INTS12: variants seen among roughly 807,000 people sequenced by gnomAD.
The protein encoded by INTS12 is PHD finger protein 22.
A neutral mutation model predicts 41.6 loss-of-function variants in INTS12; 13 were observed. The ratio of observed to expected loss-of-function variants is 0.31; its 90% CI spans 0.20 to 0.50. The LOEUF is 0.50. Among genes scored for constraint, INTS12 ranks in the 20% least tolerant of loss-of-function variants. The pLI, the probability that INTS12 is intolerant of heterozygous loss-of-function variation, is 0.98. For missense variants in INTS12, 432 were observed against 541.6 expected (o/e 0.80, Z 2.01); for synonymous variants, 199 against 191.4 (o/e 1.04, Z -0.33).
intron 6 of INTS12, chr4:105,687,055 C>A (rs1731522349): frequency 1.5e-5 from 8 of 532,038 alleles, no homozygotes; most frequent in Non-Finnish European, 2.6e-5. Flanking sequence ...TAATATTAAG[C>A]TTTAGAAATA....
chr4:105,704,132 C>T (rs932726035), intron 1 of INTS12, among the ~76,000 whole-genome samples: 1 of 151,824 alleles, frequency 6.6e-6, no homozygotes, highest in African/African-American at 2.4e-5. Flanking sequence ...TGCTTTTGTA[C>T]TCTTTTTCTT....
Position 105,699,889 on chromosome 4 carries a change from C to A in INTS12, c.117G>T (p.Leu39Phe). ...EKLKALLDES[L>F]ARGIDSSYRP... is the part of the protein sequence containing the mutation. Reference sequence around the variant, plus strand: ...GGTAACTGGAATCAATGCCCCGAGCCAAAGATTCATCAAGCAGTGCTTTTA... The same window carrying A: ...GGTAACTGGAATCAATGCCCCGAGCAAAAGATTCATCAAGCAGTGCTTTTA... The change falls in exon 3 of 8, where the codon TTG (leucine) becomes TTT (phenylalanine). Residue 39 changes from leucine to phenylalanine, a missense_variant. This residue lies in a region of INTS12 where 168 missense variants were observed against 198.9 expected (regional missense o/e 0.84). Coordinates refer to ENST00000340139, the MANE Select transcript of INTS12 (RefSeq NM_020395.4). The A allele has an allele frequency of 1.3e-6, 2 of 1,549,150 alleles. No homozygotes were observed. The highest frequency in any genetic ancestry group is 1.7e-5 in the Admixed American group (1 of 58,196).
chr4:105,701,699 T>C (rs1732080717), intron 2 of INTS12, among the ~76,000 whole-genome samples: 1 of 152,220 alleles, frequency 6.6e-6, no homozygotes, highest in Admixed American at 6.5e-5. Context: ...TTTTATTTCA[T>C]ATAGGTAAAG....
rs944675826 is a variant in INTS12, at chr4:105,693,428, G to C, written c.368C>G (p.Pro123Arg). The C allele has an allele frequency of 3.1e-6, 5 of 1,613,574 alleles. No homozygotes were observed. Among genetic ancestry groups the C allele is most frequent in the Admixed American group, 3.3e-5 (2 of 59,992 alleles). ...DIPKKPRLEK[P>R]ETQSSPITVQ... Reference sequence around the variant, plus strand: ...AGTAATGGGAGATGACTGTGTTTCTGGTTTCTCCAATCTAGGTTTCTTTGG... The same window carrying C: ...AGTAATGGGAGATGACTGTGTTTCTCGTTTCTCCAATCTAGGTTTCTTTGG... Residue 123 changes from proline (P) to arginine (R), a missense_variant, in exon 5 of 8, where the codon CCA (proline) becomes CGA (arginine). Transcript: ENST00000340139.
intron 3 of INTS12, among the ~76,000 whole-genome samples, chr4:105,696,196 A>G (rs1731860545): frequency 2.0e-5 from 3 of 152,176 alleles, no homozygotes; most frequent in African/African-American, 7.2e-5. Flanking sequence ...GTTTTGACAT[A>G]TGTATACGTC....
At chr4:105,697,274 C>T (rs1306627350) in intron 3 of INTS12, among the ~76,000 whole-genome samples, 1 of 152,208 alleles carries the variant, frequency 6.6e-6, no homozygotes, top group Non-Finnish European at 1.5e-5. Flanking sequence ...TTCCCCCTCC[C>T]CCAAAAGGAG....
At chr4:105,703,075 A>G (rs1732139485) in intron 2 of INTS12, 6 of 942,748 alleles carry the variant, frequency 6.4e-6, no homozygotes, top group Non-Finnish European at 7.6e-6. Context: ...TGTTACTTCT[A>G]TACAATTCCT....
intron 3 of INTS12, among the ~76,000 whole-genome samples, chr4:105,696,684 T>TTA (rs1431328949): frequency 3.3e-5 from 5 of 152,128 alleles, no homozygotes; most frequent in African/African-American, 7.2e-5. Context: ...GTACAAGTAT[T>TTA]TATATATATA....
chr4:105,706,489 A>G (rs1290069092), intron 1 of INTS12: 14 of 151,978 alleles, frequency 9.2e-5, no homozygotes, highest in Admixed American at 6.6e-5. Flanking sequence ...GTCTCAAACA[A>G]TCCTCCTGTT....
At position 105,699,865 on chromosome 4, in the gene INTS12, G is replaced by T; in HGVS notation, c.141C>A (p.Tyr47Ter). ...ESLARGIDSS[Y>*]RPSQKDVEPP... is the part of the protein sequence containing the mutation. ...ATTCAAGTACCTTTTGAGATGGACG[G>T]TAACTGGAATCAATGCCCCGAGCCA... Residue 47 changes from tyrosine (Y) to a stop codon, truncating the protein, a stop_gained, in exon 3 of 8, where the codon TAC becomes TAA. Transcript: ENST00000340139. LOFTEE classifies it high-confidence loss of function. 6.5e-7 allele frequency: 1 copy of T among 1,534,438 alleles called. No homozygotes were observed. The highest frequency in any genetic ancestry group is 8.9e-7 in the Non-Finnish European group (1 of 1,128,196).
At chr4:105,705,332 G>C (rs1221597318) in intron 1 of INTS12, 1 of 152,676 alleles carries the variant, frequency 6.5e-6, no homozygotes, top group African/African-American at 2.4e-5. Flanking sequence ...ATCATCCCCA[G>C]ATGAAACCGT....
At position 105,703,644 on chromosome 4, in the gene INTS12, A is replaced by G. The variant is rs1055503561; in HGVS notation, c.-10+4T>C. 1 of 152,224 alleles carries G rather than the reference A, an allele frequency of 6.6e-6. No individual in the cohort carries two copies. The highest frequency in any genetic ancestry group is 1.5e-5 in the Non-Finnish European group (1 of 68,064). 9.4% of individuals were successfully genotyped at this position (152,224 alleles called of 1,614,324 possible). A position where few individuals can be genotyped will look rare whatever the true frequency, so the allele number is the denominator to read the frequency against. ...CTAAGTGCAACTGGGAGGAATATAC[A>G]TACATTCTATCTTCAGAATCACCAT... On this transcript the variant is annotated splice_donor_region_variant and intron_variant, in intron 2 of 7. Coordinates refer to ENST00000340139, the MANE Select transcript of INTS12 (RefSeq NM_020395.4).
At chr4:105,699,764 G>C in intron 3 of INTS12, 86 bp downstream of exon 3, 1 of 901,064 alleles carries the variant, frequency 1.1e-6, no homozygotes, top group Non-Finnish European at 1.6e-6. Flanking sequence ...TTTCGGCAGA[G>C]ATTGTTTTGA....
intron 4 of INTS12, among the ~76,000 whole-genome samples, 199 bp from the exon 5 acceptor site, chr4:105,693,685 CA>C (rs1458945849): frequency 6.6e-6 from 1 of 152,138 alleles, no homozygotes; most frequent in African/African-American, 2.4e-5. Flanking sequence ...ATGAAACCAG[CA>C]AGATAGAAAT....
At chr4:105,701,039 T>C (rs1161218691) in intron 2 of INTS12, among the ~76,000 whole-genome samples, 1 of 152,160 alleles carries the variant, frequency 6.6e-6, no homozygotes, top group Non-Finnish European at 1.5e-5. Flanking sequence ...TGCATTGCTA[T>C]AGTTAGGGAA....
At chr4:105,688,975 C>T (rs1170113405) in intron 6 of INTS12, among the ~76,000 whole-genome samples, 1 of 152,226 alleles carries the variant, frequency 6.6e-6, no homozygotes, top group Non-Finnish European at 1.5e-5. Flanking sequence ...TGGATGACTG[C>T]TTCAAACATT....
At chr4:105,693,544 C>A in intron 4 of INTS12, 58 bp from the exon 5 acceptor site, 2 of 1,427,964 alleles carry the variant, frequency 1.4e-6, no homozygotes, top group South Asian at 2.5e-5. Flanking sequence ...AACTTTAAGT[C>A]ACTGAAAGAC....
At chr4:105,707,121 A>C (rs1732302926) in intron 1 of INTS12, among the ~76,000 whole-genome samples, 1 of 151,652 alleles carries the variant, frequency 6.6e-6, no homozygotes, top group Non-Finnish European at 1.5e-5. Context: ...TGCCACTCTT[A>C]TTTTTTTTGT....
At chr4:105,703,327 G>T (rs982866031) in intron 2 of INTS12, among the ~76,000 whole-genome samples, 29 of 152,318 alleles carry the variant, frequency 1.9e-4, no homozygotes, top group African/African-American at 7.0e-4. Context: ...CTGACCTAGG[G>T]AAGTGGTAGT....
Sources: allele counts gnomAD v4.1 joint callset (sites outside exome capture counted in the v4.1 genomes callset), GRCh38; gene constraint gnomAD v4.1.1; regional missense constraint gnomAD v4.1.1; transcripts MANE v1.5; gene names NCBI Gene and HGNC (gene_info 2026-07-23, HGNC 2026-07-21).